SOX6: variants seen among roughly 807,000 people sequenced by gnomAD.
SOX6 encodes SRY-box transcription factor 6.
A neutral mutation model predicts 97.8 loss-of-function variants in SOX6; 11 were observed. The observed-to-expected ratio is 0.11, with a 90% CI of 0.07 to 0.19. The LOEUF (loss-of-function observed/expected upper bound fraction) is 0.19. Ranked by LOEUF, SOX6 falls within the 10% of genes least tolerant of loss-of-function variation. The pLI is 1.00. For missense variants in SOX6, 810 were observed against 1,039.5 expected (o/e 0.78, Z 3.04); for synonymous variants, 360 against 371.4 (o/e 0.97, Z 0.35).
intron 3 of SOX6, among the ~76,000 whole-genome samples, 153 bp from the exon 4 acceptor site, chr11:16,234,824 T>A (rs1439073268): frequency 1.3e-5 from 2 of 152,052 alleles, no homozygotes; most frequent in African/African-American, 4.8e-5. Flanking sequence ...TATTCTATAA[T>A]GTGTATTATA....
At chr11:16,650,006 G>A (rs192293970) in intron 3 of SOX6, among the ~76,000 whole-genome samples, 2 of 152,002 alleles carry the variant, frequency 1.3e-5, no homozygotes, top group African/African-American at 4.8e-5. Context: ...GACAAAATAG[G>A]CTTTAAAGCA....
chr11:16,206,046 GA>G (rs145647774), intron 4 of SOX6, among the ~76,000 whole-genome samples: 18 of 143,842 alleles, frequency 1.3e-4, no homozygotes, highest in Admixed American at 4.1e-4. Context: ...GGTAGCATTA[GA>G]AAAAAAAAAC....
intron 3 of SOX6, among the ~76,000 whole-genome samples, chr11:16,274,478 A>C (rs1480954713): frequency 1.3e-5 from 2 of 151,948 alleles, no homozygotes; most frequent in East Asian, 3.8e-4. Flanking sequence ...TCTATTTTTA[A>C]TTTTCATACA....
rs1038146248 is a variant in SOX6, at chr11:16,079,142, T to C, written c.1101+16854A>G. Among the ~76,000 whole-genome samples the C allele has an allele frequency of 5.0e-4, 76 of 152,254 alleles. 1 individual carries two copies. The highest frequency in any genetic ancestry group is 1.6e-3 in the African/African-American group (66 of 41,558). On this transcript the variant is annotated intron_variant, in intron 9 of 15. Transcript: ENST00000683767. ...AGGGCTGCCTTGCCTTGGCCCACAATGACTGCCAAGGAACCAGATGCTGTT... is the reference window on the plus strand; with the variant it reads ...AGGGCTGCCTTGCCTTGGCCCACAACGACTGCCAAGGAACCAGATGCTGTT...
intron 4 of SOX6, among the ~76,000 whole-genome samples, chr11:16,569,868 CAAAAA>C (rs34604334): frequency 2.4e-5 from 2 of 84,810 alleles, no homozygotes; most frequent in Non-Finnish European, 4.2e-5. Flanking sequence ...GACTCCGTCT[CAAAAA>C]AAAAAAAAAA....
intron 4 of SOX6, among the ~76,000 whole-genome samples, chr11:16,212,015 G>A (rs929616084): frequency 1.3e-5 from 2 of 152,096 alleles, no homozygotes; most frequent in African/African-American, 4.8e-5. Context: ...ACAGTTTTCA[G>A]GTAGAAATGT....
At chr11:16,100,755 A>T (rs899825734) in intron 7 of SOX6, among the ~76,000 whole-genome samples, 4 of 132,136 alleles carry the variant, frequency 3.0e-5, no homozygotes, top group East Asian at 2.1e-4. Context: ...TCTACCTTTT[A>T]AAAAAAAAAA....
At chr11:16,079,997 C>T (rs1214196568) in intron 9 of SOX6, among the ~76,000 whole-genome samples, 1 of 148,160 alleles carries the variant, frequency 6.7e-6, no homozygotes, top group Non-Finnish European at 1.5e-5. Flanking sequence ...GCACAATAAT[C>T]CACCTTGAAA....
intron 1 of SOX6, among the ~76,000 whole-genome samples, chr11:16,410,411 C>T (rs17554835): frequency 0.31 from 47,224 of 151,832 alleles, 8,310 homozygotes; most frequent in Non-Finnish European, 0.4. Context: ...ACAAAGAACA[C>T]GCAATGACAT....
At chr11:16,063,550 A>G (rs1848019234) in intron 9 of SOX6, among the ~76,000 whole-genome samples, 1 of 72,022 alleles carries the variant, frequency 1.4e-5, no homozygotes, top group South Asian at 4.3e-4. Context: ...ATATATATAT[A>G]TATACCTGCT....
At chr11:16,120,789 C>T (rs921977287) in intron 6 of SOX6, among the ~76,000 whole-genome samples, 25 of 152,074 alleles carry the variant, frequency 1.6e-4, no homozygotes, top group Admixed American at 1.2e-3. Context: ...GAGTAAAACA[C>T]GCAAACAAAG....
At chr11:16,147,421 C>T (rs945561775) in intron 6 of SOX6, among the ~76,000 whole-genome samples, 4 of 151,930 alleles carry the variant, frequency 2.6e-5, no homozygotes, top group Admixed American at 1.3e-4. Context: ...TTAATGGGTG[C>T]GGCACACCAA....
chr11:16,524,123 T>A (rs976342264), intron 4 of SOX6, among the ~76,000 whole-genome samples: 4 of 152,180 alleles, frequency 2.6e-5, no homozygotes, highest in African/African-American at 9.7e-5. Context: ...CCCTAACTCA[T>A]TTTATGAGGA....
chr11:16,060,172 TA>T (rs917918105), intron 9 of SOX6, among the ~76,000 whole-genome samples: 22 of 150,874 alleles, frequency 1.5e-4, no homozygotes, highest in African/African-American at 5.2e-4. Flanking sequence ...TATTTTTTTT[TA>T]AAAAAGTTGA....
chr11:16,513,206 A>G (rs913240739), intron 4 of SOX6, among the ~76,000 whole-genome samples: 5 of 152,218 alleles, frequency 3.3e-5, no homozygotes, highest in African/African-American at 1.2e-4. Flanking sequence ...TCTGATCCCA[A>G]ACTAAAATGT....
At chr11:16,045,814 G>T (rs990918217) in intron 12 of SOX6, among the ~76,000 whole-genome samples, 7 of 152,136 alleles carry the variant, frequency 4.6e-5, no homozygotes, top group African/African-American at 1.4e-4. Context: ...TAACATGCCA[G>T]CCCTATAACA....
intron 6 of SOX6, among the ~76,000 whole-genome samples, chr11:16,166,141 C>T (rs1850882485): frequency 6.6e-6 from 1 of 151,746 alleles, no homozygotes; most frequent in Non-Finnish European, 1.5e-5. Context: ...TCAGAGTCAA[C>T]CCAAAAAGGA....
At chr11:16,441,428 G>T (rs1224365719) in intron 1 of SOX6, among the ~76,000 whole-genome samples, 2 of 152,006 alleles carry the variant, frequency 1.3e-5, no homozygotes, top group Non-Finnish European at 2.9e-5. Context: ...AACACTCAAG[G>T]TGTCCTGTAG....
chr11:16,171,073 T>C (rs1311735276), intron 6 of SOX6, among the ~76,000 whole-genome samples: 3 of 152,076 alleles, frequency 2.0e-5, no homozygotes, highest in East Asian at 3.9e-4. Flanking sequence ...TTTAACCTGA[T>C]TGTGTTGCAT....
Sources: gnomAD v4.1 joint callset for allele counts (sites outside exome capture counted in the v4.1 genomes callset) on GRCh38, gnomAD v4.1.1 for gene constraint, MANE v1.5 for transcripts, NCBI Gene and HGNC (gene_info 2026-07-23, HGNC 2026-07-21) for gene names.